The following ENOX1 variants were observed in gnomAD, a reference collection of about 807,000 sequenced individuals.
ENOX1 encodes the protein candidate growth-related and time keeping constitutive hydroquinone (NADH) oxidase.
ENOX1 carries 42 observed loss-of-function variants against 82.5 expected under a neutral mutation model. The observed-to-expected ratio is 0.51, with a 90% CI of 0.40 to 0.66. ENOX1 has a LOEUF of 0.66. Among genes scored for constraint, ENOX1 ranks in the 30% least tolerant of loss-of-function variants. The pLI is 0.00. For synonymous variants in ENOX1, 271 were observed against 282.2 expected, an observed-to-expected ratio of 0.96 and a Z score of 0.40; for missense variants, 608 against 811.6, an observed-to-expected ratio of 0.75 and a Z score of 3.05.
At chr13:43,454,282 T>C (rs2057117247) in intron 3 of ENOX1, among the ~76,000 whole-genome samples, 2 of 152,042 alleles carry the variant, frequency 1.3e-5, no homozygotes, top group Admixed American at 1.3e-4. Context: ...GCTTTTATTA[T>C]GAAAGATGTT....
intron 3 of ENOX1, among the ~76,000 whole-genome samples, chr13:43,422,539 T>C (rs2055039271): frequency 6.6e-6 from 1 of 152,194 alleles, no homozygotes; most frequent in Non-Finnish European, 1.5e-5. Flanking sequence ...CTACAAATCA[T>C]CATCTTTCCA....
chr13:43,574,356 G>A (rs1044099212), intron 2 of ENOX1, among the ~76,000 whole-genome samples: 3 of 152,110 alleles, frequency 2.0e-5, no homozygotes, highest in African/African-American at 4.8e-5. Flanking sequence ...AGCTTTTCCC[G>A]TCCAATTAGT....
chr13:43,592,777 G>A (rs1399891696), intron 2 of ENOX1, among the ~76,000 whole-genome samples: 1 of 152,158 alleles, frequency 6.6e-6, no homozygotes, highest in African/African-American at 2.4e-5. Flanking sequence ...CTCCTCTGCA[G>A]AGGAAGGCCC....
At chr13:43,771,147 G>A (rs1951571142) in intron 1 of ENOX1, among the ~76,000 whole-genome samples, 1 of 152,130 alleles carries the variant, frequency 6.6e-6, no homozygotes, top group Admixed American at 6.5e-5. Flanking sequence ...TCCTACAGAA[G>A]CTGAACACTT....
At chr13:43,598,813 T>TTA (rs2081578528) in intron 2 of ENOX1, among the ~76,000 whole-genome samples, 1 of 151,712 alleles carries the variant, frequency 6.6e-6, no homozygotes, top group East Asian at 1.9e-4. Context: ...AAATTTTTTT[T>TTA]AGGATCCAAG....
At chr13:43,715,637 C>A (rs923088944) in intron 1 of ENOX1, among the ~76,000 whole-genome samples, 3 of 152,112 alleles carry the variant, frequency 2.0e-5, no homozygotes, top group Non-Finnish European at 4.4e-5. Flanking sequence ...TTCACATAGT[C>A]CCATATTTCT....
At chr13:43,620,531 A>C (rs933142275) in intron 2 of ENOX1, among the ~76,000 whole-genome samples, 1 of 152,094 alleles carries the variant, frequency 6.6e-6, no homozygotes, top group African/African-American at 2.4e-5. Flanking sequence ...CTGGTTATTT[A>C]ATTTCCATGT....
intron 1 of ENOX1, among the ~76,000 whole-genome samples, chr13:43,704,297 C>T (rs1256737641): frequency 6.6e-6 from 1 of 151,934 alleles, no homozygotes; most frequent in Non-Finnish European, 1.5e-5. Flanking sequence ...ATGGTATAAG[C>T]CCACCAATCA....
intron 1 of ENOX1, among the ~76,000 whole-genome samples, chr13:43,676,549 T>C (rs2153793875): frequency 6.6e-6 from 1 of 152,308 alleles, no homozygotes. Context: ...ACATTTTCTG[T>C]TCCTACTAAA....
chr13:43,582,994 CAG>C lies in ENOX1; in HGVS notation c.-219+84483_-219+84484del, dbSNP rs1213262539. Among the ~76,000 whole-genome samples, 12 of 151,956 alleles carry C rather than the reference CAG, an allele frequency of 7.9e-5. No individual in the cohort carries two copies. In the East Asian group the frequency reaches 1.2e-3, roughly 15 times the overall value. On this transcript the variant is annotated intron_variant, in intron 2 of 16. Transcript: ENST00000690772. The stretch of plus-strand genomic sequence containing the variant: ...AACTGGACACACATGCACAGACAGA[CAG>C]ACAGACAGACACACACACACGCACG...
At chr13:43,627,682 T>C (rs1161661399) in intron 2 of ENOX1, among the ~76,000 whole-genome samples, 1 of 152,130 alleles carries the variant, frequency 6.6e-6, no homozygotes, top group Non-Finnish European at 1.5e-5. Flanking sequence ...TTTACCCATG[T>C]TTACACATGC....
At chr13:43,303,318 C>T (rs1335509949) in intron 11 of ENOX1, among the ~76,000 whole-genome samples, 6 of 152,196 alleles carry the variant, frequency 3.9e-5, no homozygotes, top group Admixed American at 1.3e-4. Flanking sequence ...TAGTTATGGC[C>T]CAGTGACAGG....
At chr13:43,457,244 G>C (rs1287635301) in intron 3 of ENOX1, among the ~76,000 whole-genome samples, 1 of 152,126 alleles carries the variant, frequency 6.6e-6, no homozygotes, top group Non-Finnish European at 1.5e-5. Context: ...TGTTTGTCCA[G>C]AGAACTTTAT....
At chr13:43,514,093 A>G (rs369542462) in intron 2 of ENOX1, among the ~76,000 whole-genome samples, 45 of 152,182 alleles carry the variant, frequency 3.0e-4, no homozygotes, top group African/African-American at 1.0e-3. Context: ...GAACAATAAT[A>G]TCTATCTACT....
At chr13:43,497,280 C>G (rs941793395) in intron 2 of ENOX1, among the ~76,000 whole-genome samples, 30 of 152,048 alleles carry the variant, frequency 2.0e-4, no homozygotes, top group African/African-American at 7.2e-4. Context: ...GGCCTGACTG[C>G]ATTGGTTAGG....
intron 12 of ENOX1, among the ~76,000 whole-genome samples, chr13:43,295,937 A>G (rs2046261506): frequency 6.6e-6 from 1 of 152,040 alleles, no homozygotes; most frequent in Non-Finnish European, 1.5e-5. Flanking sequence ...GCCACCGGGG[A>G]CCCAGTGCTT....
intron 16 of ENOX1, among the ~76,000 whole-genome samples, chr13:43,217,605 C>A (rs999542505): frequency 6.6e-6 from 1 of 152,140 alleles, no homozygotes; most frequent in Non-Finnish European, 1.5e-5. Flanking sequence ...GCAAGTGCCC[C>A]CCTCACTTGC....
At chr13:43,357,656 C>T (rs1046095347) in intron 7 of ENOX1, among the ~76,000 whole-genome samples, 2 of 152,158 alleles carry the variant, frequency 1.3e-5, no homozygotes. Context: ...GGCCAAGCAC[C>T]TTTCCCCTGC....
At chr13:43,280,772 T>C (rs977544047) in intron 12 of ENOX1, among the ~76,000 whole-genome samples, 2 of 152,250 alleles carry the variant, frequency 1.3e-5, no homozygotes, top group Non-Finnish European at 2.9e-5. Flanking sequence ...TAAACATTTT[T>C]ACAACTAGGA....
Sources: allele counts gnomAD v4.1 joint callset (sites outside exome capture counted in the v4.1 genomes callset), GRCh38; gene constraint gnomAD v4.1.1; transcripts MANE v1.5; gene names NCBI Gene and HGNC (gene_info 2026-07-23, HGNC 2026-07-21).